The following ELAVL4 variants were observed in gnomAD, a reference collection of about 807,000 sequenced individuals.
ELAVL4 encodes the protein ELAV like RNA binding protein 4, also known as ELAV-like protein 4.
A neutral mutation model predicts 35.6 loss-of-function variants in ELAVL4; 1 was observed. The observed-to-expected ratio is 0.03, with a 90% CI of 0.01 to 0.13. The LOEUF is 0.13. Ranked by LOEUF, ELAVL4 falls within the 10% of genes least tolerant of loss-of-function variation. The probability of loss-of-function intolerance (pLI) is 1.00; values close to 1 mark genes in which losing one functional copy is unlikely to be tolerated. For missense variants in ELAVL4, 267 were observed against 464.9 expected, an observed-to-expected ratio of 0.57 and a Z score of 3.91; for synonymous variants, 156 against 171.0, an observed-to-expected ratio of 0.91 and a Z score of 0.69.
At chr1:50,078,844 G>A (rs986946127) in intron 1 of ELAVL4, among the ~76,000 whole-genome samples, 7 of 152,094 alleles carry the variant, frequency 4.6e-5, no homozygotes, top group Non-Finnish European at 8.8e-5. Context: ...TCACATGTGC[G>A]TCTGTTGGTG....
At chr1:50,195,979 G>A (rs1457302814) in intron 5 of ELAVL4, among the ~76,000 whole-genome samples, 193 bp downstream of exon 5, 1 of 152,164 alleles carries the variant, frequency 6.6e-6, no homozygotes, top group African/African-American at 2.4e-5. Flanking sequence ...GCCCTTCTAA[G>A]CCCTCTTCCA....
chr1:50,186,143 C>T (rs1681794084), intron 3 of ELAVL4, among the ~76,000 whole-genome samples: 1 of 152,214 alleles, frequency 6.6e-6, no homozygotes, highest in African/African-American at 2.4e-5. Context: ...CTTGTCTGGC[C>T]TACTAGGTGC....
intron 1 of ELAVL4, among the ~76,000 whole-genome samples, chr1:50,061,373 AT>A (rs1174457402): frequency 6.6e-6 from 1 of 152,120 alleles, no homozygotes; most frequent in East Asian, 1.9e-4. Context: ...CCATTTACAC[AT>A]TTATGTTTCC....
rs541459025 is a variant in ELAVL4 at position 50,200,548 on chromosome 1, A to G, written c.774-303A>G. ...GGGTGGAGTCAGGTTGGGGTGCGCT[A>G]TGAGCATATACTGTGATAGAACTGT... On this transcript the variant is annotated intron_variant, in intron 6 of 6. Transcript: ENST00000371824. Among the ~76,000 whole-genome samples, 15 of 152,252 alleles carry G rather than the reference A, an allele frequency of 9.9e-5. No homozygotes were observed. In the East Asian group the frequency reaches 2.9e-3, roughly 29 times the overall value.
Position 50,202,376 on chromosome 1 carries a change from G to T in ELAVL4, c.*1198G>T, listed in dbSNP as rs1644423416. On this transcript the variant is annotated 3_prime_UTR_variant, in exon 7 of 7. Coordinates refer to ENST00000371824, the MANE Select transcript of ELAVL4 (RefSeq NM_001144774.3). ...ATTATTTACATATCTTAGTATCATA[G>T]TTAAATGTAATGTGTTTAGGAGAGG... 2 of 152,158 alleles carry T rather than the reference G, an allele frequency of 1.3e-5. No homozygotes were observed. Among genetic ancestry groups the T allele is most frequent in the Admixed American group, 1.3e-4 (2 of 15,276 alleles). The allele number at this position is 152,158 out of a possible 1,614,324, so 9.4% of individuals were successfully genotyped here. A position where few individuals can be genotyped will look rare whatever the true frequency, so the allele number is the denominator to read the frequency against.
intron 5 of ELAVL4, 63 bp from the exon 6 acceptor site, chr1:50,197,366 G>T: frequency 6.7e-7 from 1 of 1,495,562 alleles, no homozygotes; most frequent in Non-Finnish European, 9.0e-7. Context: ...CTTATTAATA[G>T]TTCCATTGAG....
upstream of ELAVL4, chr1:50,106,289 C>A: frequency 6.2e-6 from 10 of 1,610,466 alleles, no homozygotes; most frequent in African/African-American, 1.3e-5. Context: ...GCTGAGATAT[C>A]TGCAACCTTT....
chr1:50,100,894 T>C (rs1367428717), upstream of ELAVL4, among the ~76,000 whole-genome samples: 3 of 152,252 alleles, frequency 2.0e-5, no homozygotes, highest in Non-Finnish European at 4.4e-5. Context: ...TCAACAAGAC[T>C]GAATTATCCT....
chr1:50,067,874 C>A (rs1019103331), intron 1 of ELAVL4, among the ~76,000 whole-genome samples: 2 of 152,066 alleles, frequency 1.3e-5, no homozygotes, highest in African/African-American at 4.8e-5. Flanking sequence ...AAGTGCCAAG[C>A]AAAAGGTGGA....
intron 1 of ELAVL4, among the ~76,000 whole-genome samples, chr1:50,110,784 G>T (rs1362113584): frequency 6.6e-6 from 1 of 152,150 alleles, no homozygotes; most frequent in Non-Finnish European, 1.5e-5. Context: ...CCCATTCTTA[G>T]AGGATTGCCT....
chr1:50,101,471 T>A (rs1248153269), upstream of ELAVL4, among the ~76,000 whole-genome samples: 1 of 152,238 alleles, frequency 6.6e-6, no homozygotes, highest in Admixed American at 6.5e-5. Context: ...AAAGAAATCT[T>A]TTTAAGAAAA....
intron 1 of ELAVL4, among the ~76,000 whole-genome samples, chr1:50,075,412 T>A (rs1027554351): frequency 6.6e-6 from 1 of 152,160 alleles, no homozygotes; most frequent in Non-Finnish European, 1.5e-5. Flanking sequence ...CCATTTTCAT[T>A]TTATTGGATA....
At chr1:50,171,047 A>G (rs1050698647) in intron 2 of ELAVL4, among the ~76,000 whole-genome samples, 1 of 152,178 alleles carries the variant, frequency 6.6e-6, no homozygotes, top group African/African-American at 2.4e-5. Flanking sequence ...CAAACAAAAA[A>G]ACCCCACATA....
chr1:50,176,386 A>C (rs547720239), intron 2 of ELAVL4, among the ~76,000 whole-genome samples: 1 of 152,308 alleles, frequency 6.6e-6, no homozygotes, highest in East Asian at 1.9e-4. Flanking sequence ...CCATGCCTGC[A>C]TCCTTAACTA....
chr1:50,174,012 G>A (rs1173566362), intron 2 of ELAVL4, among the ~76,000 whole-genome samples: 1 of 151,980 alleles, frequency 6.6e-6, no homozygotes, highest in Non-Finnish European at 1.5e-5. Flanking sequence ...TTTTTTCTAG[G>A]TACACTTAGC....
At chr1:50,074,369 G>A (rs6700902) in intron 1 of ELAVL4, among the ~76,000 whole-genome samples, 69,372 of 151,974 alleles carry the variant, frequency 0.46, 18,735 homozygotes, top group Non-Finnish European at 0.61. Context: ...CAGGAAGATC[G>A]GGTACAAAAA....
At chr1:50,094,242 G>C (rs1326045948) in intron 1 of ELAVL4, among the ~76,000 whole-genome samples, 1 of 152,200 alleles carries the variant, frequency 6.6e-6, no homozygotes, top group Non-Finnish European at 1.5e-5. Flanking sequence ...GGACAGACAT[G>C]CAAAAGAAGA....
intron 4 of ELAVL4, 72 bp from the exon 5 acceptor site, chr1:50,195,489 C>A: frequency 6.5e-7 from 1 of 1,529,790 alleles, no homozygotes; most frequent in Non-Finnish European, 9.0e-7. Context: ...ATCCACAGGA[C>A]CCATCTCTTC....
intron 1 of ELAVL4, among the ~76,000 whole-genome samples, chr1:50,121,432 T>A (rs1300838377): frequency 6.6e-6 from 1 of 152,058 alleles, no homozygotes; most frequent in Non-Finnish European, 1.5e-5. Context: ...TAGAATTGAA[T>A]GAAATAGAAA....
Sources: allele counts gnomAD v4.1 joint callset (sites outside exome capture counted in the v4.1 genomes callset), GRCh38; gene constraint gnomAD v4.1.1; transcripts MANE v1.5; gene names NCBI Gene and HGNC (gene_info 2026-07-23, HGNC 2026-07-21).